MAP2K5: variants seen among roughly 807,000 people sequenced by gnomAD.
The protein encoded by MAP2K5 is mitogen-activated protein kinase kinase 5.
Under a neutral mutation model 83.1 loss-of-function variants are expected in MAP2K5, and 49 were observed. The observed-to-expected ratio is 0.59, with a 90% confidence interval of 0.47 to 0.75. The LOEUF is 0.75. MAP2K5 is among the 30% of genes least tolerant of loss of function. The probability of loss-of-function intolerance (pLI) is 0.00; values close to 1 mark genes in which losing one functional copy is unlikely to be tolerated. For synonymous variants in MAP2K5, 202 were observed against 191.8 expected (o/e 1.05, Z -0.44); for missense variants, 457 against 557.5 (o/e 0.82, Z 1.82).
rs537988829 is a variant in MAP2K5 at position 67,629,980 on chromosome 15, G to A, written c.546-908G>A. On this transcript the variant is annotated intron_variant, in intron 8 of 21. Coordinates refer to ENST00000178640, the MANE Select transcript of MAP2K5 (RefSeq NM_145160.3). Reference sequence around the variant, plus strand: ...ATAAAAGGTACGGTGGCTCACTCCTGTAATCCTAGCACTTTCGTAGACTGA... The same window carrying A: ...ATAAAAGGTACGGTGGCTCACTCCTATAATCCTAGCACTTTCGTAGACTGA... Among the ~76,000 whole-genome samples, 93 of 152,300 alleles carry A rather than the reference G, an allele frequency of 6.1e-4. 1 individual carries two copies. The highest frequency in any genetic ancestry group is 2.2e-3 in the African/African-American group (91 of 41,550).
chr15:67,640,665 G>T lies in MAP2K5; in HGVS notation c.586-5566G>T. 1.4e-6 allele frequency: 1 copy of T among 727,706 alleles called. No homozygotes were observed. The highest frequency in any genetic ancestry group is 6.2e-5 in the South Asian group (1 of 16,216). 45.1% of individuals were successfully genotyped at this position (727,706 alleles called of 1,614,324 possible). A position where few individuals can be genotyped will look rare whatever the true frequency, so the allele number is the denominator to read the frequency against. On this transcript the variant is annotated intron_variant, in intron 9 of 21. Transcript: ENST00000178640. This position sits in a 1 kb window ranked among gnomAD's most constrained non-coding sequence, Gnocchi z 4.6. ...CTTTGAATGTCTATGGGCACAATTA[G>T]ATGAGTCCTTGAAAATCTGTTGCTT...
chr15:67,713,288 C>T (rs1260188648), intron 16 of MAP2K5, among the ~76,000 whole-genome samples: 1 of 152,090 alleles, frequency 6.6e-6, no homozygotes, highest in Non-Finnish European at 1.5e-5. Context: ...TTGGAATGTA[C>T]AAGCTTAACA....
chr15:67,727,051 T>G (rs1270857283), intron 16 of MAP2K5, among the ~76,000 whole-genome samples: 2 of 152,008 alleles, frequency 1.3e-5, no homozygotes, highest in East Asian at 3.9e-4. Context: ...ATACAAAAAT[T>G]AGCTGGGCAT....
chr15:67,731,472 G>A (rs187540672), intron 17 of MAP2K5, among the ~76,000 whole-genome samples: 3 of 152,112 alleles, frequency 2.0e-5, no homozygotes, highest in Admixed American at 6.5e-5. Flanking sequence ...TTAGGCCTTT[G>A]GGTTGCATAA....
At chr15:67,589,603 T>C (rs561753434) in intron 6 of MAP2K5, among the ~76,000 whole-genome samples, 2 of 152,250 alleles carry the variant, frequency 1.3e-5, no homozygotes, top group Admixed American at 1.3e-4. Context: ...ATTCTATAAA[T>C]GCAATGAATC....
intron 21 of MAP2K5, among the ~76,000 whole-genome samples, chr15:67,789,407 C>G (rs1194554848): frequency 1.3e-5 from 2 of 152,088 alleles, no homozygotes; most frequent in Non-Finnish European, 1.5e-5. Context: ...TCTTTGCCAA[C>G]CTAATCAGTG....
At chr15:67,683,310 G>A (rs1349804070) in intron 13 of MAP2K5, among the ~76,000 whole-genome samples, 1 of 152,030 alleles carries the variant, frequency 6.6e-6, no homozygotes, top group Non-Finnish European at 1.5e-5. Context: ...AGATTTAAAG[G>A]GATTCTATTT....
intron 8 of MAP2K5, among the ~76,000 whole-genome samples, chr15:67,618,520 AG>A (rs1183139399): frequency 2.0e-5 from 3 of 152,182 alleles, no homozygotes; most frequent in Admixed American, 2.0e-4. Flanking sequence ...CCTGAACTTC[AG>A]ACTCATATCT....
chr15:67,604,720 C>G (rs770049059), intron 8 of MAP2K5, among the ~76,000 whole-genome samples: 6 of 151,956 alleles, frequency 3.9e-5, no homozygotes, highest in Non-Finnish European at 8.8e-5. Context: ...CATAGTGAAA[C>G]CCCGACTCTA....
intron 3 of MAP2K5, among the ~76,000 whole-genome samples, chr15:67,578,147 G>A (rs571906893): frequency 7.2e-5 from 11 of 152,308 alleles, no homozygotes; most frequent in Admixed American, 7.2e-4. Flanking sequence ...ATTTTGTCAT[G>A]GAGGTCACAT....
intron 15 of MAP2K5, among the ~76,000 whole-genome samples, chr15:67,696,910 C>T (rs1436962322): frequency 1.3e-5 from 2 of 152,106 alleles, no homozygotes; most frequent in African/African-American, 2.4e-5. Flanking sequence ...ACCCGGGAGG[C>T]GGAGGTTGCG....
chr15:67,797,855 G>T (rs2090631754), intron 21 of MAP2K5, among the ~76,000 whole-genome samples: 1 of 152,128 alleles, frequency 6.6e-6, no homozygotes, highest in South Asian at 2.1e-4. Flanking sequence ...GATAATTTTT[G>T]TATTTTTAGT....
chr15:67,654,592 TTC>T (rs780943119), intron 11 of MAP2K5, among the ~76,000 whole-genome samples: 2 of 152,228 alleles, frequency 1.3e-5, no homozygotes, highest in Non-Finnish European at 2.9e-5. Flanking sequence ...GTCTTTCATG[TTC>T]TGTTGTTGCT....
intron 12 of MAP2K5, among the ~76,000 whole-genome samples, chr15:67,660,436 G>C (rs1049123701): frequency 6.6e-6 from 1 of 152,118 alleles, no homozygotes; most frequent in African/African-American, 2.4e-5. Context: ...GTGGGCTGTG[G>C]TGTGTAAACT....
intron 3 of MAP2K5, among the ~76,000 whole-genome samples, chr15:67,567,057 A>T (rs943179920): frequency 1.2e-4 from 18 of 152,254 alleles, no homozygotes; most frequent in African/African-American, 3.4e-4. Flanking sequence ...TCTTTTCTTC[A>T]TTAGAGATAT....
intron 9 of MAP2K5, among the ~76,000 whole-genome samples, chr15:67,643,100 C>G (rs536651784): frequency 3.7e-4 from 56 of 152,090 alleles, no homozygotes; most frequent in Non-Finnish European, 6.3e-4. Context: ...AAAGCCTGCA[C>G]CTTGGGATTT....
chr15:67,621,514 G>T (rs1021864953), intron 8 of MAP2K5, among the ~76,000 whole-genome samples: 4 of 150,464 alleles, frequency 2.7e-5, no homozygotes, highest in African/African-American at 7.3e-5. Context: ...TGGTTCTTTG[G>T]AAAAACTTAA....
chr15:67,768,050 GT>G lies in MAP2K5; in HGVS notation c.1135-1551del, dbSNP rs2090073642. On this transcript the variant is annotated intron_variant, in intron 19 of 21. Coordinates refer to ENST00000178640, the MANE Select transcript of MAP2K5 (RefSeq NM_145160.3). The surrounding 1 kb of genome is among the most constrained non-coding windows in gnomAD (Gnocchi z 4.0). ...TGTTTCTTTTCTTGTAGCCTCTTCG[GT>G]GTTTTTTGTTGTCTGTTTTTTGTTG... is the stretch of plus-strand genomic sequence containing the variant. Among the ~76,000 whole-genome samples, 7 of 152,034 alleles carry G rather than the reference GT, an allele frequency of 4.6e-5. No individual in the cohort carries two copies. The South Asian group carries it at 1.2e-3, about 27-fold the overall frequency.
Position 67,700,524 on chromosome 15 carries a change from G to GGTTTT in MAP2K5, c.973-2797_973-2793dup, listed in dbSNP as rs1294258730. Among the ~76,000 whole-genome samples, 4 of 152,220 alleles carry GGTTTT rather than the reference G, an allele frequency of 2.6e-5. No homozygotes were observed. In the East Asian group the frequency reaches 7.7e-4, roughly 29 times the overall value. ...GTCAACAACATGGTACCTGGTAGTT[G>GGTTTT]GTTTTGTTTTGTTTTGTTTTTCAGG... is the stretch of plus-strand genomic sequence containing the variant. On this transcript the variant is annotated intron_variant, in intron 15 of 21. Coordinates refer to ENST00000178640, the MANE Select transcript of MAP2K5 (RefSeq NM_145160.3).
Sources: gnomAD v4.1 joint callset for allele counts (sites outside exome capture counted in the v4.1 genomes callset) on GRCh38, gnomAD v4.1.1 for gene constraint, Gnocchi (gnomAD v3.1) non-coding constraint, MANE v1.5 for transcripts, NCBI Gene and HGNC (gene_info 2026-07-23, HGNC 2026-07-21) for gene names.